The following ALKBH3 variants were observed in gnomAD, a reference collection of about 807,000 sequenced individuals.
The protein encoded by ALKBH3 is alpha-ketoglutarate-dependent dioxygenase alkB homolog 3.
In ALKBH3, 51 loss-of-function variants were observed where a neutral mutation model predicts 43.9. The observed-to-expected ratio is 1.16, with a 90% CI of 0.93 to 1.47. The LOEUF is 1.47. ALKBH3 is among the 40% of genes most tolerant of loss of function. The probability of loss-of-function intolerance (pLI) is 0.00; values close to 1 mark genes in which losing one functional copy is unlikely to be tolerated. For missense variants in ALKBH3, 361 were observed against 351.9 expected (o/e 1.03, Z -0.21); for synonymous variants, 102 against 115.2 (o/e 0.89, Z 0.73).
chr11:43,884,985 G>A (rs2434482), intron 4 of ALKBH3, among the ~76,000 whole-genome samples: 70,010 of 151,440 alleles, frequency 0.46, 18,399 homozygotes, highest in East Asian at 0.66. Context: ...CGAATTCCTG[G>A]GCTGAAATGA....
intron 7 of ALKBH3, among the ~76,000 whole-genome samples, chr11:43,893,904 T>C (rs545050049): frequency 6.6e-6 from 1 of 152,330 alleles, no homozygotes; most frequent in South Asian, 2.1e-4. Flanking sequence ...AATTTAGATA[T>C]AGGGTCTTGT....
intron 8 of ALKBH3, among the ~76,000 whole-genome samples, chr11:43,906,663 A>G (rs1951897997): frequency 6.6e-6 from 1 of 152,224 alleles, no homozygotes; most frequent in Non-Finnish European, 1.5e-5. Context: ...AGCCTGGGTA[A>G]CAGTGAGACC....
intron 5 of ALKBH3, among the ~76,000 whole-genome samples, chr11:43,887,069 A>G (rs893908765): frequency 3.9e-5 from 6 of 152,210 alleles, no homozygotes; most frequent in African/African-American, 1.2e-4. Context: ...AAGCGTACCT[A>G]TATAACAAAC....
chr11:43,910,762 C>T (rs570555568), intron 8 of ALKBH3, among the ~76,000 whole-genome samples: 14 of 151,996 alleles, frequency 9.2e-5, no homozygotes, highest in Non-Finnish European at 1.6e-4. Context: ...CACTTTTTAA[C>T]CCATGCCTAC....
intron 7 of ALKBH3, chr11:43,899,272 C>T (rs926859365): frequency 3.5e-5 from 25 of 717,818 alleles, no homozygotes; most frequent in African/African-American, 1.2e-4. Flanking sequence ...AAGGAGAAGG[C>T]GTGCAGGGCT....
intron 7 of ALKBH3, among the ~76,000 whole-genome samples, chr11:43,893,302 C>T (rs1450548386): frequency 6.6e-6 from 1 of 152,140 alleles, no homozygotes; most frequent in Non-Finnish European, 1.5e-5. Flanking sequence ...ATGTCAGTGG[C>T]ACCCCTCACC....
At chr11:43,882,820 C>G (rs1951721210) in intron 2 of ALKBH3, 89 bp downstream of exon 2, 1 of 1,330,326 alleles carries the variant, frequency 7.5e-7, no homozygotes, top group Non-Finnish European at 1.0e-6. Flanking sequence ...TAATGGACTT[C>G]CATTTCAATT....
At chr11:43,892,188 C>A in intron 7 of ALKBH3, 59 bp downstream of exon 7, 1 of 1,407,740 alleles carries the variant, frequency 7.1e-7, no homozygotes, top group Non-Finnish European at 9.9e-7. Context: ...GTGTTGAGTG[C>A]TATAAAATAA....
chr11:43,918,078 G>T (rs35220940), intron 8 of ALKBH3, among the ~76,000 whole-genome samples: 1 of 152,024 alleles, frequency 6.6e-6, no homozygotes, highest in South Asian at 2.1e-4. Context: ...CCTTTCTACC[G>T]GAAGTGAAGC....
chr11:43,882,586 C>G lies in ALKBH3; in HGVS notation c.-67C>G. On this transcript the variant is annotated 5_prime_UTR_variant, in exon 2 of 10. Coordinates refer to ENST00000302708, the MANE Select transcript of ALKBH3 (RefSeq NM_139178.4). ...TTTGTTTTGTTTTAATAAACAGATA[C>G]CATGGAGTAGTTTGAAACAGGAACA... The G allele has an allele frequency of 7.0e-7, 1 of 1,433,686 alleles. No individual in the cohort carries two copies. The highest frequency in any genetic ancestry group is 1.4e-5 in the African/African-American group (1 of 69,894). The allele number at this position is 1,433,686 out of a possible 1,614,324, so 88.8% of individuals were successfully genotyped here.
rs982142127 is a variant in ALKBH3 at position 43,920,093 on chromosome 11, G to C, written c.*83G>C. The C allele has an allele frequency of 2.9e-5, 37 of 1,283,758 alleles. No homozygotes were observed. In the African/African-American group the frequency reaches 4.6e-4, roughly 16 times the overall value. The allele number at this position is 1,283,758 out of a possible 1,614,324, so 79.5% of individuals were successfully genotyped here. A position where few individuals can be genotyped will look rare whatever the true frequency, so the allele number is the denominator to read the frequency against. Reference sequence around the variant, plus strand: ...CCACTTCAAGAGGCTGGTGCTGCTAGATCTCATGATGTGGCTGTTGGGAAG... The same window carrying C: ...CCACTTCAAGAGGCTGGTGCTGCTACATCTCATGATGTGGCTGTTGGGAAG... On this transcript the variant is annotated 3_prime_UTR_variant, in exon 10 of 10. Transcript: ENST00000302708.
chr11:43,898,471 C>G, intron 7 of ALKBH3: 1 of 930,762 alleles, frequency 1.1e-6, no homozygotes, highest in Non-Finnish European at 1.8e-6. Flanking sequence ...CAGGCTGGGG[C>G]AGATGGACAC....
At position 43,900,215 on chromosome 11, in the gene ALKBH3, A is replaced by AATTTTTT. The variant is rs1554976906; in HGVS notation, c.460-1301_460-1300insATTTTTT. 1.5e-3 allele frequency among the ~76,000 whole-genome samples: 134 copies of AATTTTTT among 87,184 alleles called. 14 individuals carry two copies. Among genetic ancestry groups the AATTTTTT allele is most frequent in the South Asian group, 4.1e-3 (10 of 2,428 alleles). The allele number at this position is 87,184 out of a possible 152,430, so 57.2% of individuals were successfully genotyped here. Reference sequence around the variant, plus strand: ...ATTGCATTTTTTTTATTTTAATTTAATTTTTTTTTTTTTTTTTTTTTTTTT... The same window carrying AATTTTTT: ...ATTGCATTTTTTTTATTTTAATTTAAATTTTTTTTTTTTTTTTTTTTTTTTTTTTTTT... On this transcript the variant is annotated intron_variant, in intron 7 of 9. Transcript: ENST00000302708.
At chr11:43,884,286 G>C (rs753756646) in intron 4 of ALKBH3, among the ~76,000 whole-genome samples, 7 of 151,816 alleles carry the variant, frequency 4.6e-5, no homozygotes, top group African/African-American at 1.2e-4. Context: ...GATATCTGTA[G>C]ACAGTAAGCT....
intron 6 of ALKBH3, among the ~76,000 whole-genome samples, chr11:43,890,862 C>CA (rs1018381878): frequency 8.7e-5 from 13 of 149,812 alleles, no homozygotes; most frequent in Admixed American, 1.3e-4. Flanking sequence ...GACTCCGTCT[C>CA]AAAAAAAAAT....
In ALKBH3 at chr11:43,913,004, GGTTCAAAAAGTCAA is replaced by G. The variant is rs1241409413; in HGVS notation, c.670-6033_670-6020del. ...GTAGCAACACTCATAAGTCAACCAT[GGTTCAAAAAGTCAA>G]CCATGGTTCAAATCACATATTTACA... On this transcript the variant is annotated intron_variant, in intron 8 of 9. Transcript: ENST00000302708. 7.5e-4 allele frequency among the ~76,000 whole-genome samples: 5 copies of G among 6,654 alleles called. No homozygotes were observed. The East Asian group carries it at 0.096, about 128-fold the overall frequency. The allele number at this position is 6,654 out of a possible 152,430, so 4.4% of individuals were successfully genotyped here. A position where few individuals can be genotyped will look rare whatever the true frequency, so the allele number is the denominator to read the frequency against.
At chr11:43,889,457 GT>G (rs1951768457) in intron 5 of ALKBH3, among the ~76,000 whole-genome samples, 1 of 152,308 alleles carries the variant, frequency 6.6e-6, no homozygotes, top group African/African-American at 2.4e-5. Context: ...CTGAAATACT[GT>G]TTGAATTATG....
rs138515585 is a variant in ALKBH3 at position 43,918,916 on chromosome 11, T to C, written c.670-122T>C. 1.4e-3 allele frequency: 1,023 copies of C among 725,692 alleles called. 10 individuals carry two copies. In the African/African-American group the frequency reaches 0.016, roughly 11 times the overall value. The allele number at this position is 725,692 out of a possible 1,614,324, so 45.0% of individuals were successfully genotyped here. On this transcript the variant is annotated intron_variant, in intron 8 of 9. Transcript: ENST00000302708. ...TCAAGCAGCTGCCAAATGACAGAGCTATATATGGATTCCCACAGTCTGGCT... is the reference window on the plus strand; with the variant it reads ...TCAAGCAGCTGCCAAATGACAGAGCCATATATGGATTCCCACAGTCTGGCT...
chr11:43,919,601 T>G (rs1565132011), intron 9 of ALKBH3: 1 of 322,988 alleles, frequency 3.1e-6, no homozygotes, highest in Non-Finnish European at 5.7e-6. Flanking sequence ...GAATGGAATC[T>G]CATGCCTCTC....
Sources: gnomAD v4.1 joint callset for allele counts (sites outside exome capture counted in the v4.1 genomes callset) on GRCh38, gnomAD v4.1.1 for gene constraint, MANE v1.5 for transcripts, NCBI Gene and HGNC (gene_info 2026-07-23, HGNC 2026-07-21) for gene names.